The following MYBBP1A variants were observed in gnomAD, a reference collection of about 807,000 sequenced individuals.
The protein encoded by MYBBP1A is MYB binding protein 1a, also known as myb-binding protein 1A.
MYBBP1A carries 147 observed loss-of-function variants against 136.3 expected under a neutral mutation model. The ratio of observed to expected loss-of-function variants is 1.08; its 90% CI spans 0.94 to 1.24. The LOEUF is 1.24. MYBBP1A is among the 50% of genes most tolerant of loss of function. The probability of loss-of-function intolerance (pLI) is 0.00; values close to 1 mark genes in which losing one functional copy is unlikely to be tolerated. For synonymous variants in MYBBP1A, 947 were observed against 735.8 expected, an observed-to-expected ratio of 1.29 and a Z score of -4.65; for missense variants, 2,060 against 1,727.4, an observed-to-expected ratio of 1.19 and a Z score of -3.41.
rs377365948 is a variant in MYBBP1A at position 4,548,085 on chromosome 17, C to T, written c.1725-28G>A. ...GCGGGGAGACAGGCGATTCCCAGGC[C>T]CCTGCACCAGTCAGACTGCAGCGTC... On this transcript the variant is annotated intron_variant, in intron 12 of 25. Coordinates refer to ENST00000254718, the MANE Select transcript of MYBBP1A (RefSeq NM_014520.4). The surrounding 1 kb of genome is among the most constrained non-coding windows in gnomAD (Gnocchi z 4.2). The T allele has an allele frequency of 1.0e-4, 167 of 1,599,622 alleles. 1 individual carries two copies. Among genetic ancestry groups the T allele is most frequent in the Non-Finnish European group, 2.1e-5 (25 of 1,176,184 alleles).
At chr17:4,540,133 T>TGCGA (rs1555539286) in intron 25 of MYBBP1A, among the ~76,000 whole-genome samples, 166 bp from the exon 26 acceptor site, 43 of 147,528 alleles carry the variant, frequency 2.9e-4, no homozygotes, top group African/African-American at 7.8e-4. Context: ...GCGAGGCCCC[T>TGCGA]GGGTCCTGCG....
Position 4,555,247 on chromosome 17 carries a change from A to G in MYBBP1A, c.78T>C (p.Tyr26=), listed in dbSNP as rs1004402666. The change falls in exon 1 of 26, where the codon TAT becomes TAC. Residue 26 remains tyrosine (Y), a synonymous_variant. Transcript: ENST00000254718. ...TQSGARPADR[Y]GLLKHSREFL... Reference sequence around the variant, plus strand: ...ACTCGCGACTGTGCTTCAATAGGCCATAGCGGTCGGCAGGCCGGGCGCCAC... The same window carrying G: ...ACTCGCGACTGTGCTTCAATAGGCCGTAGCGGTCGGCAGGCCGGGCGCCAC... The G allele has an allele frequency of 1.2e-6, 2 of 1,612,408 alleles. No homozygotes were observed. The highest frequency in any genetic ancestry group is 1.3e-5 in the African/African-American group (1 of 75,066).
At chr17:4,545,005 C>T (rs763570789) in intron 17 of MYBBP1A, 21 bp downstream of exon 17, 2 of 1,472,930 alleles carry the variant, frequency 1.4e-6, no homozygotes, top group South Asian at 1.3e-5. Context: ...GGCCGCCCCC[C>T]CCTCCACCTC....
At chr17:4,549,282 T>A (rs751632771) in intron 10 of MYBBP1A, 50 bp downstream of exon 10, 15 of 1,570,340 alleles carry the variant, frequency 9.6e-6, no homozygotes, top group Non-Finnish European at 1.3e-5. Context: ...AGGGGCCCCA[T>A]TCCTTGGCCA....
In MYBBP1A at chr17:4,542,444, G is replaced by A; in HGVS notation, c.3087+20C>T. ...GTTAATTCAGACAGGCCCTGGGCTGGGAGCTGGGAAGTCTCTCACCTGATG... is the reference window on the plus strand; with the variant it reads ...GTTAATTCAGACAGGCCCTGGGCTGAGAGCTGGGAAGTCTCTCACCTGATG... On this transcript the variant is annotated intron_variant, in intron 22 of 25. Transcript: ENST00000254718. 6.3e-7 allele frequency: 1 copy of A among 1,596,390 alleles called. No homozygotes were observed. Among genetic ancestry groups the A allele is most frequent in the African/African-American group, 1.3e-5 (1 of 74,656 alleles).
At chr17:4,551,260 T>C (rs1035669374) in intron 8 of MYBBP1A, among the ~76,000 whole-genome samples, 11 of 152,214 alleles carry the variant, frequency 7.2e-5, no homozygotes, top group African/African-American at 2.7e-4. Context: ...CCAGCAGCAC[T>C]TACTGGGCAC....
rs1399445026 is a variant in MYBBP1A, at chr17:4,539,617, T to G, written c.3785A>C (p.Asn1262Thr). Residue 1262 changes from asparagine to threonine, a missense_variant, in exon 26 of 26, where the codon AAT becomes ACT. By Grantham distance (65) the Asn-to-Thr change is moderately conservative. Coordinates refer to ENST00000254718, the MANE Select transcript of MYBBP1A (RefSeq NM_014520.4). The part of the protein sequence containing the change: ...QKKNQKPSQV[N>T]GAPGSPTEPA... Reference sequence around the variant, plus strand: ...TTCCGTGGGGGACCCGGGAGCTCCATTCACCTGGGACGGCTTCTGGTTTTT... The same window carrying G: ...TTCCGTGGGGGACCCGGGAGCTCCAGTCACCTGGGACGGCTTCTGGTTTTT... 1.2e-6 allele frequency: 2 copies of G among 1,613,978 alleles called. No individual in the cohort carries two copies. Among genetic ancestry groups the G allele is most frequent in the Non-Finnish European group, 1.7e-6 (2 of 1,179,950 alleles).
Position 4,539,161 on chromosome 17 carries a change from G to GGACAT in MYBBP1A, c.*249_*253dup. On this transcript the variant is annotated 3_prime_UTR_variant, in exon 26 of 26. Transcript: ENST00000254718. ...CAACCCAGGCAAACACCAGAGCCCT[G>GGACAT]GACATGGCCCTGGAGCCAGGGTCCC... The GGACAT allele has an allele frequency of 6.8e-7, 1 of 1,462,796 alleles. No homozygotes were observed. Among genetic ancestry groups the GGACAT allele is most frequent in the African/African-American group, 1.4e-5 (1 of 70,208 alleles). The allele number at this position is 1,462,796 out of a possible 1,614,324, so 90.6% of individuals were successfully genotyped here.
intron 15 of MYBBP1A, 113 bp downstream of exon 15, chr17:4,545,497 C>T: frequency 1.3e-6 from 2 of 1,493,764 alleles, no homozygotes; most frequent in Non-Finnish European, 1.8e-6. Flanking sequence ...GAGACCCCTC[C>T]CACCGGCCGC....
At position 4,542,545 on chromosome 17, in the gene MYBBP1A, G is replaced by A. The variant is rs373822003; in HGVS notation, c.3019-13C>T. 8.1e-6 allele frequency: 13 copies of A among 1,612,474 alleles called. No homozygotes were observed. Among genetic ancestry groups the A allele is most frequent in the Non-Finnish European group, 1.1e-5 (13 of 1,178,998 alleles). ...TCTGACAGAGCACCTGGTGGGGAGT[G>A]ACAAGGGCTGTGAGGTGCAGGCTGG... On this transcript the variant is annotated splice_polypyrimidine_tract_variant and intron_variant, in intron 21 of 25. Transcript: ENST00000254718.
At position 4,540,602 on chromosome 17, in the gene MYBBP1A, G is replaced by A. The variant is rs1906324063; in HGVS notation, c.3298-118C>T. Reference sequence around the variant, plus strand: ...CACCAGTGACCCCTGCCCCTTCCTGGGCCTCAGCCTCTCCTTCTGCCTGTT... The same window carrying A: ...CACCAGTGACCCCTGCCCCTTCCTGAGCCTCAGCCTCTCCTTCTGCCTGTT... On this transcript the variant is annotated intron_variant, in intron 24 of 25. Transcript: ENST00000254718. The A allele has an allele frequency of 3.2e-6, 4 of 1,242,200 alleles. No homozygotes were observed. The East Asian group carries it at 1.1e-4, about 34-fold the overall frequency. The allele number at this position is 1,242,200 out of a possible 1,614,324, so 76.9% of individuals were successfully genotyped here.
Position 4,548,395 on chromosome 17 carries a change from C to T in MYBBP1A, c.1557-85G>A. 1 of 1,603,328 alleles carries T rather than the reference C, an allele frequency of 6.2e-7. No individual in the cohort carries two copies. Reference sequence around the variant, plus strand: ...TCCGCCCTCCCCAGGGCTCGGTCTCCCGCCTCTCCAGGACCTACTAGAACT... The same window carrying T: ...TCCGCCCTCCCCAGGGCTCGGTCTCTCGCCTCTCCAGGACCTACTAGAACT... On this transcript the variant is annotated intron_variant, in intron 11 of 25. Transcript: ENST00000254718. This position sits in a 1 kb window ranked among gnomAD's most constrained non-coding sequence, Gnocchi z 4.2.
intron 5 of MYBBP1A, 53 bp downstream of exon 5, chr17:4,553,757 G>A: frequency 2.2e-6 from 3 of 1,389,888 alleles, no homozygotes; most frequent in Non-Finnish European, 3.1e-6. Context: ...GAGCCCCCTT[G>A]ATGTCTCTGT....
rs577697361 is a variant in MYBBP1A at position 4,546,903 on chromosome 17, G to A, written c.1825-961C>T. On this transcript the variant is annotated intron_variant, in intron 13 of 25. Transcript: ENST00000254718. ...CCCAAGCAGGTCCCCGTCCTCCTCT[G>A]GGCTGCACCTTTTTTTTTTTTTTTC... Among the ~76,000 whole-genome samples the A allele has an allele frequency of 2.7e-5, 4 of 150,060 alleles. No individual in the cohort carries two copies. In the South Asian group the frequency reaches 8.3e-4, roughly 31 times the overall value.
intron 19 of MYBBP1A, 140 bp from the exon 20 acceptor site, chr17:4,543,305 G>A: frequency 8.3e-7 from 1 of 1,200,802 alleles, no homozygotes; most frequent in Non-Finnish European, 1.1e-6. Context: ...CACAGAGGAG[G>A]GCCCAGGGCC....
Position 4,548,483 on chromosome 17 carries a change from C to A in MYBBP1A, c.1556+41G>T. On this transcript the variant is annotated intron_variant, in intron 11 of 25. Coordinates refer to ENST00000254718, the MANE Select transcript of MYBBP1A (RefSeq NM_014520.4). This position sits in a 1 kb window ranked among gnomAD's most constrained non-coding sequence, Gnocchi z 4.2. ...TGGAGGGAGCAGGCGCCCTCAAGGC[C>A]TTCCCACCTTCGGACCTCTCCTGGG... 1 of 1,613,206 alleles carries A rather than the reference C, an allele frequency of 6.2e-7. No homozygotes were observed.
chr17:4,539,859 G>A lies in MYBBP1A; in HGVS notation c.3543C>T (p.Arg1181=). The stretch of plus-strand genomic sequence containing the variant: ...TGCCATCCTCTGACTTGCGTTTCTT[G>A]CGCTTCTTCGTCTCTGGCAAGAATC... ...KKGFLPETKK[R]KKRKSEDGTP... Residue 1181 remains arginine, a synonymous_variant, in exon 26 of 26, where the codon CGC becomes CGT. Coordinates refer to ENST00000254718, the MANE Select transcript of MYBBP1A (RefSeq NM_014520.4). 6.2e-7 allele frequency: 1 copy of A among 1,606,916 alleles called. No individual in the cohort carries two copies. The highest frequency in any genetic ancestry group is 8.5e-7 in the Non-Finnish European group (1 of 1,179,896).
chr17:4,542,540 G>A lies in MYBBP1A; in HGVS notation c.3019-8C>T, dbSNP rs747364714. ...CAGGCTCTGACAGAGCACCTGGTGG[G>A]GAGTGACAAGGGCTGTGAGGTGCAG... is the stretch of plus-strand genomic sequence containing the variant. On this transcript the variant is annotated splice_region_variant and splice_polypyrimidine_tract_variant and intron_variant, in intron 21 of 25. Coordinates refer to ENST00000254718, the MANE Select transcript of MYBBP1A (RefSeq NM_014520.4). The A allele has an allele frequency of 1.2e-5, 19 of 1,612,430 alleles. No homozygotes were observed. Among genetic ancestry groups the A allele is most frequent in the East Asian group, 2.2e-5 (1 of 44,786 alleles).
chr17:4,552,238 C>A lies in MYBBP1A; in HGVS notation c.792G>T (p.Leu264=). ...GGAGCAGGTCCAGAGCAATGGCGGG[C>A]AGCTTGCGGTCCTTCTTCACAGAGG... ...AASSVKKDRK[L]PAIALDLLRL... The change falls in exon 7 of 26, where the codon CTG becomes CTT. Residue 264 remains leucine (L), a synonymous_variant. Transcript: ENST00000254718. This position sits in a 1 kb window ranked among gnomAD's most constrained non-coding sequence, Gnocchi z 4.7. 1 of 1,614,202 alleles carries A rather than the reference C, an allele frequency of 6.2e-7. No individual in the cohort carries two copies. The highest frequency in any genetic ancestry group is 8.5e-7 in the Non-Finnish European group (1 of 1,180,044).
Sources: gnomAD v4.1 joint callset for allele counts (sites outside exome capture counted in the v4.1 genomes callset) on GRCh38, gnomAD v4.1.1 for gene constraint, Gnocchi (gnomAD v3.1) non-coding constraint, MANE v1.5 for transcripts, NCBI Gene and HGNC (gene_info 2026-07-23, HGNC 2026-07-21) for gene names.